Variants in ZNF318 observed in about 807,000 individuals in gnomAD.
ZNF318 encodes the protein endocrine regulator.
ZNF318 carries 51 observed loss-of-function variants against 124.2 expected under a neutral mutation model. The observed-to-expected ratio is 0.41, with a 90% CI of 0.33 to 0.52. ZNF318 has a LOEUF of 0.52. Ranked by LOEUF, ZNF318 falls within the 20% of genes least tolerant of loss-of-function variation. The pLI is 0.23. For missense variants in ZNF318, 2,815 were observed against 2,811.2 expected (o/e 1.00, Z -0.03); for synonymous variants, 1,090 against 1,040.7 (o/e 1.05, Z -0.91).
chr6:43,368,770 C>G (rs1305655827), intron 1 of ZNF318, 197 bp downstream of exon 1: 3 of 985,364 alleles, frequency 3.0e-6, no homozygotes, highest in Non-Finnish European at 3.6e-6. Context: ...ACGAGACGCC[C>G]GTGCGCTCCC....
At position 43,336,941 on chromosome 6, in the gene ZNF318, A is replaced by AT. The variant is rs35121648; in HGVS notation, c.*216dup. 128,430 of 257,510 alleles carry AT rather than the reference A, an allele frequency of 0.5. 37,346 individuals carry two copies. The highest frequency in any genetic ancestry group is 0.68 in the East Asian group (8,965 of 13,266). The allele number at this position is 257,510 out of a possible 1,614,324, so 16.0% of individuals were successfully genotyped here. On this transcript the variant is annotated 3_prime_UTR_variant, in exon 10 of 10. Transcript: ENST00000361428. ...AATACATTTTTACAGATATATATAT[A>AT]TATATATAAGTTGTTATCGATTTGT...
At position 43,352,392 on chromosome 6, in the gene ZNF318, G is replaced by T; in HGVS notation, c.2755C>A (p.Leu919Ile). The T allele has an allele frequency of 6.2e-7, 1 of 1,614,028 alleles. No homozygotes were observed. The highest frequency in any genetic ancestry group is 8.5e-7 in the Non-Finnish European group (1 of 1,179,940). ...MYYLRTELER[L>I]HKQQGEMLRK... Reference sequence around the variant, plus strand: ...CAGCTGATACCTTGTTGTTTATGAAGCCGCTCTAACTCGGTCCTAAGATAG... The same window carrying T: ...CAGCTGATACCTTGTTGTTTATGAATCCGCTCTAACTCGGTCCTAAGATAG... Residue 919 changes from leucine to isoleucine, a missense_variant, in exon 5 of 10, where the codon CTT becomes ATT. By Grantham distance (5) the Leu-to-Ile change is conservative. Around this residue, in one of 4 missense-constraint regions of ZNF318, gnomAD observed 1,377 missense variants for 1,353.5 expected, o/e 1.02. Transcript: ENST00000361428.
intron 2 of ZNF318, among the ~76,000 whole-genome samples, chr6:43,358,408 C>T (rs1021197144): frequency 3.1e-5 from 4 of 129,814 alleles, no homozygotes; most frequent in East Asian, 4.5e-4. Context: ...CCATCACACC[C>T]GGCTAATTTT....
Position 43,337,691 on chromosome 6 carries a change from T to C in ZNF318, c.6307A>G (p.Asn2103Asp). The C allele has an allele frequency of 6.2e-7, 1 of 1,614,200 alleles. No individual in the cohort carries two copies. Among genetic ancestry groups the C allele is most frequent in the African/African-American group, 1.3e-5 (1 of 75,052 alleles). ...TCTGTAAGTCCAGTTTTCAAAATGT[T>C]AGGAGAAGGGATCCTAACACTCCTG... ...NPRSVRIPSP[N>D]ILKTGLTENV... The change falls in exon 10 of 10, where the codon AAC becomes GAC. Residue 2103 changes from asparagine (N) to aspartate (D), a missense_variant. By Grantham distance (23) the Asn-to-Asp change is conservative. This residue lies in a region of ZNF318 where 927 missense variants were observed against 820.6 expected (regional missense o/e 1.13). Transcript: ENST00000361428.
intron 5 of ZNF318, among the ~76,000 whole-genome samples, chr6:43,349,193 C>T (rs914373037): frequency 6.6e-6 from 1 of 152,094 alleles, no homozygotes; most frequent in Non-Finnish European, 1.5e-5. Flanking sequence ...GCTCCATGAA[C>T]TCCCATAACA....
chr6:43,369,505 C>G lies in ZNF318; in HGVS notation c.-140G>C, dbSNP rs1267827608. 4.9e-6 allele frequency: 3 copies of G among 609,420 alleles called. No homozygotes were observed. Among genetic ancestry groups the G allele is most frequent in the East Asian group, 2.2e-4 (2 of 8,984 alleles). 37.8% of individuals were successfully genotyped at this position (609,420 alleles called of 1,614,324 possible). A position where few individuals can be genotyped will look rare whatever the true frequency, so the allele number is the denominator to read the frequency against. On this transcript the variant is annotated 5_prime_UTR_variant, in exon 1 of 10. Coordinates refer to ENST00000361428, the MANE Select transcript of ZNF318 (RefSeq NM_014345.3). ...TCAGCCGCGGGAGCAGCCCCCTCCC[C>G]TCGGCCCCGCGTCGCCCCGGGGGCC...
In ZNF318 at chr6:43,342,836, T is replaced by G. The variant is rs778365453; in HGVS notation, c.3116A>C (p.Lys1039Thr). Reference protein sequence around the residue: ...NNEKFRTKSPKPAESPQSATK... With the variant: ...NNEKFRTKSPTPAESPQSATK... ...GGCTGACTGGGGGCTTTCGGCAGGC[T>G]TGGGGCTCTTAGTACGAAACTTCTC... Residue 1039 changes from lysine (K) to threonine (T), a missense_variant, in exon 7 of 10, where the codon AAG becomes ACG. Physicochemically the swap from Lys to Thr is moderately conservative, Grantham distance 78. Transcript: ENST00000361428. 6.2e-7 allele frequency: 1 copy of G among 1,613,808 alleles called. No homozygotes were observed. The highest frequency in any genetic ancestry group is 8.5e-7 in the Non-Finnish European group (1 of 1,179,844).
Position 43,369,465 on chromosome 6 carries a change from C to A in ZNF318, c.-100G>T. 1 of 975,422 alleles carries A rather than the reference C, an allele frequency of 1.0e-6. No individual in the cohort carries two copies. The highest frequency in any genetic ancestry group is 1.3e-6 in the Non-Finnish European group (1 of 789,470). The allele number at this position is 975,422 out of a possible 1,614,324, so 60.4% of individuals were successfully genotyped here. ...GCAGCTGCAGCCGCCGCCACCTCGG[C>A]CGCTGCGCGCCGCCTCAGCCGCGGG... On this transcript the variant is annotated 5_prime_UTR_variant, in exon 1 of 10. Transcript: ENST00000361428.
At chr6:43,368,603 G>C in intron 1 of ZNF318, 1 of 927,632 alleles carries the variant, frequency 1.1e-6, no homozygotes, top group Non-Finnish European at 1.3e-6. Context: ...CAGGTGTAAG[G>C]GGATGAAAAG....
At chr6:43,364,270 G>C (rs1779729109) in intron 2 of ZNF318, 2 of 515,346 alleles carry the variant, frequency 3.9e-6, no homozygotes, top group South Asian at 3.1e-5. Context: ...AGAGGACGTA[G>C]GCTCCAGCTG....
chr6:43,343,597 G>C (rs991321709), intron 6 of ZNF318, among the ~76,000 whole-genome samples: 1 of 152,094 alleles, frequency 6.6e-6, no homozygotes, highest in African/African-American at 2.4e-5. Flanking sequence ...GGGAGGTCGA[G>C]GTGGGCAGAT....
chr6:43,368,568 TC>T, intron 1 of ZNF318: 1 of 759,454 alleles, frequency 1.3e-6, no homozygotes, highest in South Asian at 5.9e-5. Flanking sequence ...TTCGGCTTTT[TC>T]CCCTAAGATC....
rs765687174 is a variant in ZNF318, at chr6:43,340,348, G to A, written c.3650C>T (p.Ala1217Val). ...KPKEEKKEKKAKAVKEVKEDD... is the reference protein window; with the variant it reads ...KPKEEKKEKKVKAVKEVKEDD... Reference sequence around the variant, plus strand: ...CTCCTTTACTTCTTTCACAGCCTTTGCCTTTTTTTCTTTCTTCTCCTCCTT... The same window carrying A: ...CTCCTTTACTTCTTTCACAGCCTTTACCTTTTTTTCTTTCTTCTCCTCCTT... Residue 1217 changes from alanine to valine, a missense_variant, in exon 10 of 10, where the codon GCA becomes GTA. Ala to Val is a moderately conservative substitution (Grantham distance 64). Around this residue, in one of 4 missense-constraint regions of ZNF318, gnomAD observed 500 missense variants for 605.2 expected, o/e 0.83. Coordinates refer to ENST00000361428, the MANE Select transcript of ZNF318 (RefSeq NM_014345.3). The A allele has an allele frequency of 9.3e-6, 15 of 1,613,818 alleles. No homozygotes were observed. The highest frequency in any genetic ancestry group is 1.1e-5 in the Non-Finnish European group (13 of 1,180,022).
At position 43,339,527 on chromosome 6, in the gene ZNF318, C is replaced by T. The variant is rs774742513; in HGVS notation, c.4471G>A (p.Val1491Met). The change falls in exon 10 of 10, where the codon GTG becomes ATG. Residue 1491 changes from valine to methionine, a missense_variant. Transcript: ENST00000361428. This position sits in a 1 kb window ranked among gnomAD's most constrained non-coding sequence, Gnocchi z 4.2. ...VVSQTLSPGF[V>M]GPNILNPVLP... ...ACTGGGTTCAAAATGTTAGGACCCACGAAGCCAGGGCTGAGAGTCTGAGAT... is the reference window on the plus strand; with the variant it reads ...ACTGGGTTCAAAATGTTAGGACCCATGAAGCCAGGGCTGAGAGTCTGAGAT... 1.8e-5 allele frequency: 29 copies of T among 1,613,856 alleles called. No homozygotes were observed. Among genetic ancestry groups the T allele is most frequent in the Middle Eastern group, 1.6e-4 (1 of 6,084 alleles).
In ZNF318 at chr6:43,354,855, G is replaced by A. The variant is rs1779581519; in HGVS notation, c.2479C>T (p.Gln827Ter). Residue 827 changes from glutamine (Q) to a stop codon, truncating the protein, a stop_gained, in exon 4 of 10, where the codon CAA becomes TAA. Coordinates refer to ENST00000361428, the MANE Select transcript of ZNF318 (RefSeq NM_014345.3). LOFTEE classifies it high-confidence loss of function. ...AGATTGGGACGGCTACGAGTAGCTT[G>A]TTTGGTTATTGGCATTATCCTGTGT... ...EPHRIMPITK[Q>*]ATRSRPNLRV... 6.2e-7 allele frequency: 1 copy of A among 1,614,048 alleles called. No individual in the cohort carries two copies. The highest frequency in any genetic ancestry group is 8.5e-7 in the Non-Finnish European group (1 of 1,180,040).
At chr6:43,346,671 A>T (rs1471909192) in intron 6 of ZNF318, among the ~76,000 whole-genome samples, 1 of 152,216 alleles carries the variant, frequency 6.6e-6, no homozygotes. Context: ...GAATTCTGGA[A>T]ATTCTTCATG....
At position 43,337,380 on chromosome 6, in the gene ZNF318, C is replaced by T. The variant is rs376813030; in HGVS notation, c.6618G>A (p.Gly2206=). 6.2e-6 allele frequency: 10 copies of T among 1,614,126 alleles called. No individual in the cohort carries two copies. The African/African-American group carries it at 1.1e-4, about 17-fold the overall frequency. ...DPSKCSSLEL[G]PLQLEISNAS... is the part of the protein sequence containing the mutation. ...CATTCGATATTTCTAGCTGTAATGG[C>T]CCCAACTCCAGGGAACTACATTTAG... The change falls in exon 10 of 10, where the codon GGG becomes GGA. Residue 2206 remains glycine (G), a synonymous_variant. Transcript: ENST00000361428.
chr6:43,356,444 TTCTATGGA>T (rs989456774), intron 3 of ZNF318, among the ~76,000 whole-genome samples: 4 of 152,306 alleles, frequency 2.6e-5, no homozygotes, highest in African/African-American at 9.6e-5. Flanking sequence ...TTGTTTTCTT[TTCTATGGA>T]TCCCCAAAAG....
chr6:43,354,549 C>T, intron 4 of ZNF318, 115 bp downstream of exon 4: 2 of 912,402 alleles, frequency 2.2e-6, no homozygotes, highest in Non-Finnish European at 3.3e-6. Flanking sequence ...ACAGCAGCCT[C>T]CAGACGACTT....
Sources: allele counts gnomAD v4.1 joint callset (sites outside exome capture counted in the v4.1 genomes callset), GRCh38; gene constraint gnomAD v4.1.1; regional missense constraint gnomAD v4.1.1; non-coding constraint Gnocchi (gnomAD v3.1); transcripts MANE v1.5; gene names NCBI Gene and HGNC (gene_info 2026-07-23, HGNC 2026-07-21).